Variants in MYPN observed in about 807,000 individuals in gnomAD.
MYPN encodes the protein myopalladin.
MYPN carries 63 observed loss-of-function variants against 129.4 expected under a neutral mutation model. The observed-to-expected ratio is 0.49, with a 90% CI of 0.40 to 0.60. The LOEUF (loss-of-function observed/expected upper bound fraction) is 0.60. MYPN is among the 20% of genes least tolerant of loss of function. The probability of loss-of-function intolerance (pLI) is 0.00; values close to 1 mark genes in which losing one functional copy is unlikely to be tolerated. For missense variants in MYPN, 1,596 were observed against 1,635.4 expected (o/e 0.98, Z 0.42); for synonymous variants, 629 against 600.9 (o/e 1.05, Z -0.68).
chr10:68,202,003 G>T lies in MYPN; in HGVS notation c.3659+9G>T. On this transcript the variant is annotated intron_variant, in intron 18 of 19. Transcript: ENST00000358913. ...ACCAGAGAGAGGATCAGGTACAGCA[G>T]CCACCACATCCAGAGGGACTCCCAC... 2 of 1,613,882 alleles carry T rather than the reference G, an allele frequency of 1.2e-6. No homozygotes were observed. The highest frequency in any genetic ancestry group is 1.7e-6 in the Non-Finnish European group (2 of 1,179,978).
intron 1 of MYPN, among the ~76,000 whole-genome samples, chr10:68,120,793 C>T (rs938977838): frequency 5.3e-5 from 8 of 152,064 alleles, no homozygotes; most frequent in Non-Finnish European, 1.2e-4. Context: ...AGACCATTAT[C>T]GACATTATCA....
At chr10:68,109,476 C>G (rs1234377100), upstream of MYPN, 4 of 453,888 alleles carry the variant, frequency 8.8e-6, no homozygotes, top group Non-Finnish European at 1.8e-5. Context: ...CTCAAAATAA[C>G]TTGGGACCTG....
At chr10:68,093,657 T>C (rs1589509436) in intron 1 of MYPN, among the ~76,000 whole-genome samples, 1 of 149,700 alleles carries the variant, frequency 6.7e-6, no homozygotes, top group African/African-American at 2.5e-5. Context: ...CTCGGGAGGC[T>C]GAGGCAGGAG....
intron 2 of MYPN, chr10:68,136,796 A>G: frequency 6.8e-7 from 1 of 1,466,494 alleles, no homozygotes; most frequent in Non-Finnish European, 9.2e-7. Context: ...AATGGAAAGT[A>G]TTAGTTTTGA....
At chr10:68,197,502 G>T in intron 16 of MYPN, 24 bp downstream of exon 16, 5 of 1,611,808 alleles carry the variant, frequency 3.1e-6, no homozygotes, top group Non-Finnish European at 4.2e-6. Flanking sequence ...CCCATGCTTA[G>T]TTCCAGATCT....
chr10:68,155,799 G>A (rs2042863050), intron 6 of MYPN, among the ~76,000 whole-genome samples: 1 of 152,132 alleles, frequency 6.6e-6, no homozygotes, highest in African/African-American at 2.4e-5. Context: ...TTTCTAAGTG[G>A]CTTGTGAGAT....
chr10:68,203,163 C>G (rs957963061), intron 18 of MYPN, among the ~76,000 whole-genome samples: 2 of 152,120 alleles, frequency 1.3e-5, no homozygotes, highest in Non-Finnish European at 2.9e-5. Context: ...AAGGCAGTGG[C>G]AGGGGAGGGA....
intron 5 of MYPN, among the ~76,000 whole-genome samples, 179 bp from the exon 6 acceptor site, chr10:68,149,861 A>C (rs976275515): frequency 1.3e-5 from 2 of 152,172 alleles, no homozygotes; most frequent in Non-Finnish European, 2.9e-5. Context: ...ACCATGACCT[A>C]GAGAGAAATA....
intron 7 of MYPN, among the ~76,000 whole-genome samples, chr10:68,161,111 A>C (rs2042968142): frequency 6.6e-6 from 1 of 152,220 alleles, no homozygotes; most frequent in Non-Finnish European, 1.5e-5. Flanking sequence ...GTCATTTCTG[A>C]AATATAACTA....
upstream of MYPN, among the ~76,000 whole-genome samples, chr10:68,107,955 G>A (rs1460156167): frequency 2.6e-5 from 4 of 152,104 alleles, no homozygotes; most frequent in East Asian, 1.9e-4. Context: ...CATTGATTAC[G>A]GCTTAAGATC....
intron 17 of MYPN, among the ~76,000 whole-genome samples, chr10:68,200,387 G>C (rs1340390222): frequency 6.6e-6 from 1 of 152,170 alleles, no homozygotes; most frequent in Non-Finnish European, 1.5e-5. Context: ...CATCTGGGAG[G>C]TGCCAGCCCT....
chr10:68,117,061 T>C (rs2042167809), intron 1 of MYPN, among the ~76,000 whole-genome samples: 1 of 151,710 alleles, frequency 6.6e-6, no homozygotes, highest in Non-Finnish European at 1.5e-5. Context: ...CTGTCTCTAC[T>C]AAAAATACAA....
intron 6 of MYPN, among the ~76,000 whole-genome samples, chr10:68,153,193 C>G (rs1382396275): frequency 6.6e-6 from 1 of 151,794 alleles, no homozygotes; most frequent in African/African-American, 2.4e-5. Context: ...ACCATGTTGC[C>G]CTGGCTGGTC....
intron 2 of MYPN, among the ~76,000 whole-genome samples, chr10:68,131,873 C>T (rs2042416904): frequency 6.6e-6 from 1 of 152,164 alleles, no homozygotes; most frequent in South Asian, 2.1e-4. Context: ...CAATCAACTT[C>T]TATAACCTTG....
intron 6 of MYPN, chr10:68,158,235 T>A (rs2042914241): frequency 1.1e-5 from 5 of 465,962 alleles, no homozygotes; most frequent in Non-Finnish European, 1.9e-5. Context: ...AAGATGACCA[T>A]CCCTGATAGA....
At chr10:68,137,130 T>A (rs907420200) in intron 2 of MYPN, among the ~76,000 whole-genome samples, 10 of 152,174 alleles carry the variant, frequency 6.6e-5, no homozygotes, top group African/African-American at 1.9e-4. Flanking sequence ...ACAAAAAAAA[T>A]TTATAAAAAA....
Position 68,143,045 on chromosome 10 carries a change from A to G in MYPN, c.1008A>G (p.Thr336=), listed in dbSNP as rs2042601953. 13 of 1,614,060 alleles carry G rather than the reference A, an allele frequency of 8.1e-6. No individual in the cohort carries two copies. The East Asian group carries it at 1.1e-4, about 14-fold the overall frequency. ...TTGCGGAAGCCTTTGAAGAGGACAC[A>G]GGACGCTATTCCTGCTTTGCTTCTA... ...LTIAEAFEED[T]GRYSCFASNI... Residue 336 remains threonine, a synonymous_variant, in exon 3 of 20, where the codon ACA becomes ACG. Coordinates refer to ENST00000358913, the MANE Select transcript of MYPN (RefSeq NM_032578.4).
intron 6 of MYPN, among the ~76,000 whole-genome samples, chr10:68,152,740 G>A (rs1176834144): frequency 1.3e-5 from 2 of 152,096 alleles, no homozygotes; most frequent in East Asian, 3.9e-4. Context: ...GGGTTTAAGC[G>A]ATTCTCCTGC....
At chr10:68,162,387 G>T (rs907500066) in intron 8 of MYPN, among the ~76,000 whole-genome samples, 1 of 152,098 alleles carries the variant, frequency 6.6e-6, no homozygotes, top group South Asian at 2.1e-4. Context: ...TATAATGCTA[G>T]GTCAATTTCA....
Sources: allele counts gnomAD v4.1 joint callset (sites outside exome capture counted in the v4.1 genomes callset), GRCh38; gene constraint gnomAD v4.1.1; transcripts MANE v1.5; gene names NCBI Gene and HGNC (gene_info 2026-07-23, HGNC 2026-07-21).